TTN: variants seen among roughly 807,000 people sequenced by gnomAD.
TTN encodes connectin.
In TTN, 1,525 loss-of-function variants were observed where a neutral mutation model predicts 3,223.0. The observed-to-expected ratio is 0.47, with a 90% CI of 0.45 to 0.49. TTN has a LOEUF of 0.49. Among genes scored for constraint, TTN ranks in the 20% least tolerant of loss-of-function variants. The probability of loss-of-function intolerance (pLI) is 0.00; values close to 1 mark genes in which losing one functional copy is unlikely to be tolerated. For synonymous variants in TTN, 14,094 were observed against 15,161.0 expected (o/e 0.93, Z 5.17); for missense variants, 40,786 against 43,424.0 (o/e 0.94, Z 5.40).
intron 152 of TTN, 113 bp downstream of exon 152, chr2:178,673,520 A>C: frequency 1.5e-6 from 1 of 684,820 alleles, no homozygotes; most frequent in Middle Eastern, 4.1e-4. Context: ...ACTGGTCCTT[A>C]ATCAGTTCAC....
chr2:178,666,823 C>G lies in TTN; in HGVS notation c.35875+1G>C, dbSNP rs754215806. The G allele has an allele frequency of 1.9e-6, 3 of 1,558,464 alleles. No homozygotes were observed. Among genetic ancestry groups the G allele is most frequent in the Non-Finnish European group, 2.6e-6 (3 of 1,151,978 alleles). The stretch of plus-strand genomic sequence containing the variant: ...AAAGGTGACTTTCTTCCAACTTGTA[C>G]CTGTTGGTGATGGTGTTTTTCTTCT... On this transcript the variant is annotated splice_donor_variant, in intron 163 of 362. Coordinates refer to ENST00000589042, the MANE Select transcript of TTN (RefSeq NM_001267550.2). LOFTEE classifies it high-confidence loss of function.
At position 178,560,763 on chromosome 2, in the gene TTN, G is replaced by C. The variant is rs947719918; in HGVS notation, c.85369C>G (p.Pro28457Ala). Residue 28457 changes from proline (P) to alanine (A), a missense_variant, in exon 326 of 363, where the codon CCA becomes GCA. By Grantham distance (27) the Pro-to-Ala change is conservative (BLOSUM62 -1). Transcript: ENST00000589042. Reference protein sequence around the residue: ...VLDKPGPPAGPLEINGLTAEK... With the variant: ...VLDKPGPPAGALEINGLTAEK... ...GCAGTGAGGCCATTTATTTCAAGTG[G>C]TCCTGCTGGTGGACCAGGCTTATCA... The C allele has an allele frequency of 6.2e-7, 1 of 1,613,778 alleles. No homozygotes were observed. The highest frequency in any genetic ancestry group is 8.5e-7 in the Non-Finnish European group (1 of 1,179,806).
At chr2:178,748,836 C>T (rs753350460) in intron 47 of TTN, 2 of 1,611,976 alleles carry the variant, frequency 1.2e-6, no homozygotes, top group South Asian at 1.1e-5. Flanking sequence ...GAATCTGATT[C>T]AGTATTTGGA....
chr2:178,672,703 A>G lies in TTN; in HGVS notation c.34787T>C (p.Val11596Ala). The G allele has an allele frequency of 6.3e-7, 1 of 1,599,332 alleles. No individual in the cohort carries two copies. The highest frequency in any genetic ancestry group is 8.5e-7 in the Non-Finnish European group (1 of 1,171,766). ...TTTTTCCTCAGGAATTTTCTTTGAC[A>G]CTTTAAAGATATTAGGTGTTTTAGT... ...PKKVEAPPAKVSKKIPEEKVP... is the reference protein window; with the variant it reads ...PKKVEAPPAKASKKIPEEKVP... The change falls in exon 153 of 363, where the codon GTG becomes GCG. Residue 11596 changes from valine (V) to alanine (A), a missense_variant and splice_region_variant. Transcript: ENST00000589042.
At position 178,560,900 on chromosome 2, in the gene TTN, T is replaced by C. The variant is rs1254349060; in HGVS notation, c.85232A>G (p.Asn28411Ser). The stretch of plus-strand genomic sequence containing the variant: ...GTCTTTAACTGTTAACAAAGTATGA[T>C]TGTCTGTTGAGATGATTTCTGTTCT... ...RARTEIISTDNHTLLTVKDCI... is the reference protein window; with the variant it reads ...RARTEIISTDSHTLLTVKDCI... The change falls in exon 326 of 363, where the codon AAT becomes AGT. Residue 28411 changes from asparagine (N) to serine (S), a missense_variant. Asn to Ser is a conservative substitution (Grantham distance 46). Transcript: ENST00000589042. 1 of 1,613,642 alleles carries C rather than the reference T, an allele frequency of 6.2e-7. No homozygotes were observed. Among genetic ancestry groups the C allele is most frequent in the African/African-American group, 1.3e-5 (1 of 74,938 alleles).
chr2:178,621,622 C>T lies in TTN; in HGVS notation c.45202G>A (p.Glu15068Lys), dbSNP rs2058292632. 25 of 1,612,422 alleles carry T rather than the reference C, an allele frequency of 1.6e-5. No individual in the cohort carries two copies. The highest frequency in any genetic ancestry group is 4.0e-5 in the African/African-American group (3 of 74,794). Residue 15068 changes from glutamate to lysine, a missense_variant, in exon 245 of 363, where the codon GAG (glutamate) becomes AAG (lysine). Glu to Lys is a moderately conservative substitution (Grantham distance 56). Transcript: ENST00000589042. ...TATCTTCCTGTTTCAATGATCTCCTCATCCCCTTTATACCAAATCACTTCT... is the reference window on the plus strand; with the variant it reads ...TATCTTCCTGTTTCAATGATCTCCTTATCCCCTTTATACCAAATCACTTCT... ...GAEVIWYKGDEEIIETGRYEI... is the reference protein window; with the variant it reads ...GAEVIWYKGDKEIIETGRYEI...
chr2:178,749,041 C>T (rs2084569946), intron 47 of TTN: 7 of 1,612,566 alleles, frequency 4.3e-6, no homozygotes, highest in Non-Finnish European at 5.9e-6. Flanking sequence ...TCACCTTTTT[C>T]CCCGGGTAGT....
chr2:178,634,235 G>T lies in TTN; in HGVS notation c.42415+131C>A, dbSNP rs2154226590. Reference sequence around the variant, plus strand: ...CTCCACTAAAAACAAATTAAGGGGGGTTGTTTTGGTAACACTGTGAAAGTT... The same window carrying T: ...CTCCACTAAAAACAAATTAAGGGGGTTTGTTTTGGTAACACTGTGAAAGTT... On this transcript the variant is annotated intron_variant, in intron 230 of 362. Coordinates refer to ENST00000589042, the MANE Select transcript of TTN (RefSeq NM_001267550.2). This position sits in a 1 kb window ranked among gnomAD's most constrained non-coding sequence, Gnocchi z 4.6. The T allele has an allele frequency of 1.4e-6, 2 of 1,474,042 alleles. No individual in the cohort carries two copies. Among genetic ancestry groups the T allele is most frequent in the East Asian group, 2.4e-5 (1 of 41,496 alleles). The allele number at this position is 1,474,042 out of a possible 1,614,324, so 91.3% of individuals were successfully genotyped here.
rs750739675 is a variant in TTN, at chr2:178,590,920, A to G, written c.60805T>C (p.Phe20269Leu). 6.2e-7 allele frequency: 1 copy of G among 1,612,974 alleles called. No individual in the cohort carries two copies. The change falls in exon 304 of 363, where the codon TTT becomes CTT. Residue 20269 changes from phenylalanine to leucine, a missense_variant. Physicochemically the swap from Phe to Leu is conservative, Grantham distance 22 (BLOSUM62 0). Transcript: ENST00000589042. ...TTACCAGGAGGAGACGGAGGACTAA[A>G]TTTATGCTTAGCAACAGTAGGTGTG... The part of the protein sequence containing the change: ...DSTPTVAKHK[F>L]SPPSPPGKPV...
Position 178,619,847 on chromosome 2 carries a change from A to C in TTN, c.46470T>G (p.Leu15490=). ...VEIIRPPQDI[L]EAPGADVVFL... is the part of the protein sequence containing the mutation. ...AGACAACATCAGCACCAGGGGCTTC[A>C]AGAATATCTTGTGGAGGCCTGATGA... Residue 15490 remains leucine, a synonymous_variant, in exon 250 of 363, where the codon CTT becomes CTG. Coordinates refer to ENST00000589042, the MANE Select transcript of TTN (RefSeq NM_001267550.2). 1 of 1,612,004 alleles carries C rather than the reference A, an allele frequency of 6.2e-7. No homozygotes were observed. The highest frequency in any genetic ancestry group is 2.2e-5 in the East Asian group (1 of 44,684).
Position 178,569,953 on chromosome 2 carries a change from A to C in TTN, c.76179T>G (p.Pro25393=). Residue 25393 remains proline (P), a synonymous_variant, in exon 326 of 363, where the codon CCT becomes CCG. Transcript: ENST00000589042. The part of the protein sequence containing the change: ...NAAGLSEPSP[P]SAYQKACDPI... ...GATCACAAGCCTTTTGGTAAGCAGA[A>C]GGAGGGCTTGGTTCACTAAGTCCAG... 1 of 1,612,538 alleles carries C rather than the reference A, an allele frequency of 6.2e-7. No homozygotes were observed. The highest frequency in any genetic ancestry group is 8.5e-7 in the Non-Finnish European group (1 of 1,179,084).
At chr2:178,789,317 G>T in intron 13 of TTN, 43 bp downstream of exon 13, 1 of 1,609,136 alleles carries the variant, frequency 6.2e-7, no homozygotes, top group South Asian at 1.1e-5. Flanking sequence ...TGGTATTAAT[G>T]TATTATAATA....
chr2:178,724,087 C>G lies in TTN; in HGVS notation c.21172G>C (p.Gly7058Arg), dbSNP rs786205401. 2 of 1,613,242 alleles carry G rather than the reference C, an allele frequency of 1.2e-6. No homozygotes were observed. The highest frequency in any genetic ancestry group is 2.7e-5 in the African/African-American group (2 of 74,886). Residue 7058 changes from glycine to arginine, a missense_variant, in exon 73 of 363, where the codon GGT (glycine) becomes CGT (arginine). Physicochemically the swap from Gly to Arg is moderately radical, Grantham distance 125. Coordinates refer to ENST00000589042, the MANE Select transcript of TTN (RefSeq NM_001267550.2). ...RRLKNTGGVL[G>R]ASCILECKVA... is the part of the protein sequence containing the mutation. ...TTGCATTCCAAGATGCAAGAAGCAC[C>G]TAACACCCCACCAGTATTTTTCAGT... is the stretch of plus-strand genomic sequence containing the variant.
chr2:178,605,334 T>A, intron 279 of TTN, 39 bp from the exon 280 acceptor site: 3 of 1,534,604 alleles, frequency 2.0e-6, no homozygotes, highest in Non-Finnish European at 2.6e-6. Context: ...AACAAAGTCA[T>A]AAGGATGTTT....
At position 178,653,081 on chromosome 2, in the gene TTN, T is replaced by C; in HGVS notation, c.38835A>G (p.Pro12945=). The C allele has an allele frequency of 6.2e-7, 1 of 1,611,760 alleles. No homozygotes were observed. Among genetic ancestry groups the C allele is most frequent in the East Asian group, 2.2e-5 (1 of 44,744 alleles). ...CTTCAGGTTTTTTAGGAGGAGTCAC[T>C]GGCACTTTCTTTTCAGGAACAACTT... ...PKEVVPEKKV[P]VTPPKKPEVP... Residue 12945 remains proline (P), a synonymous_variant, in exon 199 of 363, where the codon CCA becomes CCG. Transcript: ENST00000589042.
At position 178,533,458 on chromosome 2, in the gene TTN, A is replaced by G. The variant is rs1407044012; in HGVS notation, c.103157T>C (p.Val34386Ala). 6.2e-7 allele frequency: 1 copy of G among 1,613,556 alleles called. No homozygotes were observed. The highest frequency in any genetic ancestry group is 8.5e-7 in the Non-Finnish European group (1 of 1,179,614). ...EGQSVCFEIRVSGIPPPTLKW... is the reference protein window; with the variant it reads ...EGQSVCFEIRASGIPPPTLKW... Reference sequence around the variant, plus strand: ...TAATGTTGGTGGGGGGATGCCAGACACTCTGATCTCAAAGCAGACACTTTG... The same window carrying G: ...TAATGTTGGTGGGGGGATGCCAGACGCTCTGATCTCAAAGCAGACACTTTG... Residue 34386 changes from valine (V) to alanine (A), a missense_variant, in exon 358 of 363, where the codon GTG (valine) becomes GCG (alanine). Transcript: ENST00000589042.
At position 178,718,940 on chromosome 2, in the gene TTN, A is replaced by G. The variant is rs764391944; in HGVS notation, c.24260T>C (p.Val8087Ala). 6.2e-7 allele frequency: 1 copy of G among 1,611,194 alleles called. No individual in the cohort carries two copies. The highest frequency in any genetic ancestry group is 8.5e-7 in the Non-Finnish European group (1 of 1,178,592). ...PPSFEQTPDSVEVLPGMSLTF... is the reference protein window; with the variant it reads ...PPSFEQTPDSAEVLPGMSLTF... ...GAGGCTCATTCCAGGCAAAACTTCC[A>G]CAGAATCAGGGGTTTGTTCAAAAGA... The change falls in exon 84 of 363, where the codon GTG becomes GCG. Residue 8087 changes from valine (V) to alanine (A), a missense_variant. Transcript: ENST00000589042.
At position 178,632,934 on chromosome 2, in the gene TTN, G is replaced by T; in HGVS notation, c.43197C>A (p.Ala14399=). The change falls in exon 234 of 363, where the codon GCC becomes GCA. Residue 14399 remains alanine, a synonymous_variant. Transcript: ENST00000589042. ...AGAGCATACCTTTCACTTTCAGATT[G>T]GCTGCAGATTTGGCATTAGCAGCCT... The part of the protein sequence containing the change: ...SFQAANAKSA[A]NLKVKELPLI... 3 of 1,612,706 alleles carry T rather than the reference G, an allele frequency of 1.9e-6. No individual in the cohort carries two copies. The highest frequency in any genetic ancestry group is 2.5e-6 in the Non-Finnish European group (3 of 1,179,310).
chr2:178,803,399 G>C (rs191200694), intron 2 of TTN, among the ~76,000 whole-genome samples: 1 of 147,032 alleles, frequency 6.8e-6, no homozygotes, highest in East Asian at 1.9e-4. Context: ...AAGTTACTGA[G>C]TGTTACCAGA....
Sources: allele counts gnomAD v4.1 joint callset (sites outside exome capture counted in the v4.1 genomes callset), GRCh38; gene constraint gnomAD v4.1.1; non-coding constraint Gnocchi (gnomAD v3.1); transcripts MANE v1.5; gene names NCBI Gene and HGNC (gene_info 2026-07-23, HGNC 2026-07-21).